The following MITF variants were observed in gnomAD, a reference collection of about 807,000 sequenced individuals.
MITF encodes the protein microphthalmia-associated transcription factor.
MITF carries 17 observed loss-of-function variants against 60.5 expected under a neutral mutation model. The ratio of observed to expected loss-of-function variants is 0.28; its 90% CI spans 0.19 to 0.42. MITF has a LOEUF of 0.42. Among genes scored for constraint, MITF ranks in the 10% least tolerant of loss-of-function variants. The pLI, the probability that MITF is intolerant of heterozygous loss-of-function variation, is 1.00. For missense variants in MITF, 622 were observed against 683.5 expected, an observed-to-expected ratio of 0.91 and a Z score of 1.00; for synonymous variants, 260 against 248.5, an observed-to-expected ratio of 1.05 and a Z score of -0.43.
intron 1 of MITF, among the ~76,000 whole-genome samples, chr3:69,804,891 TG>T (rs1306887803): frequency 6.6e-6 from 1 of 152,226 alleles, no homozygotes; most frequent in Non-Finnish European, 1.5e-5. Context: ...ACAATAATTT[TG>T]TCCTGCTTAT....
intron 1 of MITF, among the ~76,000 whole-genome samples, chr3:69,850,216 C>T (rs1036051): frequency 0.49 from 74,721 of 151,954 alleles, 20,097 homozygotes; most frequent in Non-Finnish European, 0.63. Flanking sequence ...TTGGAGTGTT[C>T]AGATGAATGA....
chr3:69,752,013 C>T (rs1056177073), intron 1 of MITF: 1 of 152,230 alleles, frequency 6.6e-6, no homozygotes, highest in Non-Finnish European at 1.5e-5. Context: ...TGCCTCACTC[C>T]CCTTTTGCCT....
intron 1 of MITF, among the ~76,000 whole-genome samples, chr3:69,870,260 A>G (rs2064200239): frequency 7.7e-6 from 1 of 129,328 alleles, no homozygotes. Flanking sequence ...GTAAATGGAT[A>G]CACACACACA....
intron 1 of MITF, among the ~76,000 whole-genome samples, chr3:69,766,131 T>A (rs564236425): frequency 6.6e-6 from 1 of 152,202 alleles, no homozygotes; most frequent in South Asian, 2.1e-4. Flanking sequence ...TATCATGAGA[T>A]TGTAATTTAA....
At chr3:69,857,335 C>A (rs62253179) in intron 1 of MITF, among the ~76,000 whole-genome samples, 21,105 of 151,930 alleles carry the variant, frequency 0.14, 1,607 homozygotes, top group South Asian at 0.18. Flanking sequence ...GCACAGGATA[C>A]TCATATCTCA....
At chr3:69,899,490 G>A (rs1238813970) in intron 2 of MITF, among the ~76,000 whole-genome samples, 1 of 152,166 alleles carries the variant, frequency 6.6e-6, no homozygotes. Context: ...GGGTTTTAAG[G>A]AGTGTAGTCT....
At chr3:69,922,435 T>C (rs2065489339) in intron 2 of MITF, among the ~76,000 whole-genome samples, 1 of 152,142 alleles carries the variant, frequency 6.6e-6, no homozygotes, top group African/African-American at 2.4e-5. Flanking sequence ...TTGGCCAGGA[T>C]GGTCTCGATC....
At chr3:69,745,778 G>A (rs1040774020) in intron 1 of MITF, among the ~76,000 whole-genome samples, 3 of 152,142 alleles carry the variant, frequency 2.0e-5, no homozygotes, top group Non-Finnish European at 4.4e-5. Flanking sequence ...GTACATCTGT[G>A]TTCAAGAAAC....
At position 69,890,590 on chromosome 3, in the gene MITF, T is replaced by A. The variant is rs575031211; in HGVS notation, c.354+11207T>A. ...GGTTTTTTTGGTGGGGTTTTATGTA[T>A]GATTTTTATTTGTGCTGATGTCTCT... On this transcript the variant is annotated intron_variant, in intron 2 of 9. Transcript: ENST00000352241. Among the ~76,000 whole-genome samples, 4 of 152,304 alleles carry A rather than the reference T, an allele frequency of 2.6e-5. No individual in the cohort carries two copies. The South Asian group carries it at 8.3e-4, about 32-fold the overall frequency.
At chr3:69,868,387 A>G (rs1365700630) in intron 1 of MITF, among the ~76,000 whole-genome samples, 1 of 152,182 alleles carries the variant, frequency 6.6e-6, no homozygotes, top group African/African-American at 2.4e-5. Context: ...TCCAGGGCTT[A>G]ATGCTATTAT....
intron 2 of MITF, among the ~76,000 whole-genome samples, chr3:69,892,370 C>T (rs1471662308): frequency 1.3e-5 from 2 of 152,214 alleles, no homozygotes; most frequent in Non-Finnish European, 2.9e-5. Context: ...CCTGCCCATG[C>T]ATATTCACAG....
At chr3:69,925,390 T>C (rs1272071577) in intron 2 of MITF, among the ~76,000 whole-genome samples, 3 of 152,116 alleles carry the variant, frequency 2.0e-5, no homozygotes, top group Admixed American at 6.5e-5. Context: ...CAGGCATACG[T>C]GGAGTATTTT....
intron 1 of MITF, among the ~76,000 whole-genome samples, chr3:69,771,405 T>C (rs2062392570): frequency 6.6e-6 from 1 of 152,206 alleles, no homozygotes; most frequent in Non-Finnish European, 1.5e-5. Flanking sequence ...ACTCATTTCC[T>C]GTTGGATGAC....
chr3:69,817,869 G>T (rs1199735765), intron 1 of MITF, among the ~76,000 whole-genome samples: 1 of 152,008 alleles, frequency 6.6e-6, no homozygotes, highest in Non-Finnish European at 1.5e-5. Flanking sequence ...AGCCTTTTGG[G>T]GTTATCTTCA....
chr3:69,884,117 T>G (rs1231324735), intron 2 of MITF, among the ~76,000 whole-genome samples: 1 of 152,142 alleles, frequency 6.6e-6, no homozygotes, highest in Admixed American at 6.6e-5. Flanking sequence ...GTTATTGACT[T>G]TTTAAATTGC....
intron 1 of MITF, among the ~76,000 whole-genome samples, chr3:69,741,114 C>T (rs1559602532): frequency 6.6e-6 from 1 of 152,206 alleles, no homozygotes; most frequent in Admixed American, 6.5e-5. Flanking sequence ...AGCAGTTGGA[C>T]GTATAAAACC....
intron 1 of MITF, among the ~76,000 whole-genome samples, chr3:69,793,867 T>C (rs1340029035): frequency 6.6e-6 from 1 of 152,194 alleles, no homozygotes; most frequent in Non-Finnish European, 1.5e-5. Flanking sequence ...GACAACAGTG[T>C]CCTCATTTAT....
At chr3:69,779,767 A>G (rs2062533184) in intron 1 of MITF, among the ~76,000 whole-genome samples, 1 of 152,210 alleles carries the variant, frequency 6.6e-6, no homozygotes, top group Admixed American at 6.5e-5. Flanking sequence ...TGTGAGAAGT[A>G]CTGAGATATC....
Position 69,887,029 on chromosome 3 carries a change from A to G in MITF, c.354+7646A>G, listed in dbSNP as rs192795504. Among the ~76,000 whole-genome samples, 9 of 152,140 alleles carry G rather than the reference A, an allele frequency of 5.9e-5. No homozygotes were observed. The East Asian group carries it at 1.4e-3, about 23-fold the overall frequency. ...AATTTTCTTCTGAAATTATGTTTGC[A>G]TTTTTGGTTTTTCCTTTCCCATGCA... On this transcript the variant is annotated intron_variant, in intron 2 of 9. Coordinates refer to ENST00000352241, the MANE Select transcript of MITF (RefSeq NM_001354604.2).
Sources: gnomAD v4.1 joint callset for allele counts (sites outside exome capture counted in the v4.1 genomes callset) on GRCh38, gnomAD v4.1.1 for gene constraint, MANE v1.5 for transcripts, NCBI Gene and HGNC (gene_info 2026-07-23, HGNC 2026-07-21) for gene names.